Variants in VPS13B observed in about 807,000 individuals in gnomAD.
The protein encoded by VPS13B is vacuolar protein sorting 13 homolog B.
A neutral mutation model predicts 426.4 loss-of-function variants in VPS13B; 285 were observed. That is an observed-to-expected ratio of 0.67 (90% confidence interval 0.61 to 0.74). The LOEUF is 0.74. Ranked by LOEUF, VPS13B falls within the 30% of genes least tolerant of loss-of-function variation. VPS13B has a pLI of 0.00. For missense variants in VPS13B, 4,537 were observed against 4,782.6 expected, an observed-to-expected ratio of 0.95 and a Z score of 1.51; for synonymous variants, 1,676 against 1,676.4, an observed-to-expected ratio of 1.00 and a Z score of 0.01.
At chr8:99,046,328 A>C (rs1209429515) in intron 3 of VPS13B, among the ~76,000 whole-genome samples, 1 of 151,906 alleles carries the variant, frequency 6.6e-6, no homozygotes, top group Non-Finnish European at 1.5e-5. Flanking sequence ...TGAGTTCTTG[A>C]TTTGATTCTC....
intron 3 of VPS13B, among the ~76,000 whole-genome samples, chr8:99,047,073 T>C (rs1843277488): frequency 6.6e-6 from 1 of 152,196 alleles, no homozygotes; most frequent in South Asian, 2.1e-4. Context: ...CCTCTTTCTC[T>C]ATCATGTGGA....
intron 5 of VPS13B, among the ~76,000 whole-genome samples, chr8:99,107,448 A>C (rs1208920450): frequency 6.6e-6 from 1 of 152,218 alleles, no homozygotes; most frequent in African/African-American, 2.4e-5. Context: ...TGGATTAAAA[A>C]ATAAAATAAT....
At chr8:99,360,126 C>CCT (rs1812425390) in intron 19 of VPS13B, among the ~76,000 whole-genome samples, 3 of 17,540 alleles carry the variant, frequency 1.7e-4, no homozygotes, top group Admixed American at 5.4e-4. Flanking sequence ...CCTTATCTTT[C>CCT]TTTCTTTCTT....
intron 42 of VPS13B, among the ~76,000 whole-genome samples, chr8:99,779,348 A>G (rs1811898278): frequency 6.6e-6 from 1 of 152,214 alleles, no homozygotes; most frequent in Non-Finnish European, 1.5e-5. Flanking sequence ...TTAGTTTGCC[A>G]AAGCTTCAAC....
rs114562100 is a variant in VPS13B at position 99,647,179 on chromosome 8, T to C, written c.5908+4681T>C. 6.1e-3 allele frequency among the ~76,000 whole-genome samples: 928 copies of C among 152,320 alleles called. 9 individuals carry two copies. The highest frequency in any genetic ancestry group is 0.021 in the African/African-American group (881 of 41,566). ...ATGTGGCTTGTCATTGTTTATTGTT[T>C]TCTATACAAGTCATAAACCATTATT... On this transcript the variant is annotated intron_variant, in intron 34 of 61. Transcript: ENST00000357162.
intron 29 of VPS13B, among the ~76,000 whole-genome samples, chr8:99,518,106 G>A (rs1024794746): frequency 2.6e-5 from 4 of 151,602 alleles, no homozygotes; most frequent in African/African-American, 9.7e-5. Context: ...TCTGTTCTTG[G>A]ATCTGGCTTT....
intron 22 of VPS13B, among the ~76,000 whole-genome samples, chr8:99,439,938 G>GA (rs1817599355): frequency 6.6e-6 from 1 of 151,972 alleles, no homozygotes; most frequent in African/African-American, 2.4e-5. Context: ...AAACTTCAGG[G>GA]AAAAATGCAT....
intron 58 of VPS13B, among the ~76,000 whole-genome samples, chr8:99,865,148 C>A (rs993799707): frequency 7.9e-5 from 12 of 152,322 alleles, no homozygotes; most frequent in Non-Finnish European, 1.2e-4. Context: ...CCAAGAGCAA[C>A]GGCTTTTGGA....
intron 16 of VPS13B, among the ~76,000 whole-genome samples, chr8:99,186,987 A>T (rs1813252877): frequency 6.6e-6 from 1 of 152,178 alleles, no homozygotes; most frequent in Non-Finnish European, 1.5e-5. Context: ...ATTTATTATG[A>T]AATAGTAAAG....
At chr8:99,421,591 C>G (rs2133381620) in intron 21 of VPS13B, among the ~76,000 whole-genome samples, 1 of 152,188 alleles carries the variant, frequency 6.6e-6, no homozygotes, top group East Asian at 1.9e-4. Context: ...AGTTACTTAA[C>G]CTCTTTGTCA....
intron 4 of VPS13B, among the ~76,000 whole-genome samples, chr8:99,096,788 A>G (rs903904119): frequency 3.3e-5 from 5 of 151,474 alleles, no homozygotes; most frequent in Non-Finnish European, 7.4e-5. Context: ...TCATTGTTTT[A>G]GTACTTTGTA....
chr8:99,600,192 T>C (rs1166717658), intron 33 of VPS13B, among the ~76,000 whole-genome samples: 2 of 152,174 alleles, frequency 1.3e-5, no homozygotes, highest in Non-Finnish European at 2.9e-5. Context: ...AAGTGTTTTA[T>C]ATAGGTTAAC....
chr8:99,746,194 T>C (rs1810078214), intron 39 of VPS13B, among the ~76,000 whole-genome samples: 1 of 152,104 alleles, frequency 6.6e-6, no homozygotes, highest in South Asian at 2.1e-4. Context: ...AGTCATCTTA[T>C]AGAGCTTGAT....
chr8:99,474,183 A>ATTTTTTT (rs34752686), intron 24 of VPS13B, among the ~76,000 whole-genome samples: 16 of 124,992 alleles, frequency 1.3e-4, no homozygotes, highest in African/African-American at 4.9e-4. Context: ...CTGTTATCCA[A>ATTTTTTT]TTTTTTTTTT....
chr8:99,397,398 G>A (rs772294026), intron 21 of VPS13B, among the ~76,000 whole-genome samples: 8 of 152,084 alleles, frequency 5.3e-5, no homozygotes, highest in East Asian at 1.9e-4. Flanking sequence ...CCGCCTCGGC[G>A]TTCCAAAGTG....
At chr8:99,246,327 A>G (rs1336988893) in intron 17 of VPS13B, among the ~76,000 whole-genome samples, 1 of 152,160 alleles carries the variant, frequency 6.6e-6, no homozygotes, top group Non-Finnish European at 1.5e-5. Flanking sequence ...TGTCAATCTA[A>G]TGTGGACCCA....
chr8:99,447,799 A>G (rs1248679502), intron 23 of VPS13B, among the ~76,000 whole-genome samples: 1 of 152,062 alleles, frequency 6.6e-6, no homozygotes, highest in African/African-American at 2.4e-5. Flanking sequence ...GGGATCATTC[A>G]ACATATTTAT....
chr8:99,699,546 C>T lies in VPS13B; in HGVS notation c.6068C>T (p.Ser2023Leu). 1 of 1,613,676 alleles carries T rather than the reference C, an allele frequency of 6.2e-7. No homozygotes were observed. Among genetic ancestry groups the T allele is most frequent in the Non-Finnish European group, 8.5e-7 (1 of 1,179,994 alleles). Residue 2023 changes from serine to leucine, a missense_variant, in exon 36 of 62, where the codon TCA (serine) becomes TTA (leucine). Ser to Leu is a moderately radical substitution (Grantham distance 145). Coordinates refer to ENST00000357162, the MANE Select transcript of VPS13B (RefSeq NM_152564.5). ...ATAGCGGATGTCAATTTGGATATAT[C>T]AAAGCCTTTGAAAGCAAACCTGAGT... ...NGPADVNLDI[S>L]KPLKANLSFT...
intron 24 of VPS13B, among the ~76,000 whole-genome samples, chr8:99,479,580 T>C (rs969766115): frequency 2.0e-5 from 3 of 152,232 alleles, no homozygotes; most frequent in Non-Finnish European, 4.4e-5. Context: ...AGTTTCTTTA[T>C]GTTCTTATGC....
Sources: gnomAD v4.1 joint callset for allele counts (sites outside exome capture counted in the v4.1 genomes callset) on GRCh38, gnomAD v4.1.1 for gene constraint, MANE v1.5 for transcripts, NCBI Gene and HGNC (gene_info 2026-07-23, HGNC 2026-07-21) for gene names.